Variants in SORBS2 observed in about 807,000 individuals in gnomAD.
SORBS2 encodes the protein sorbin and SH3 domain-containing protein 2.
A neutral mutation model predicts 97.7 loss-of-function variants in SORBS2; 46 were observed. The observed-to-expected ratio is 0.47, with a 90% CI of 0.37 to 0.60. The LOEUF (loss-of-function observed/expected upper bound fraction) is 0.60. SORBS2 is among the 20% of genes least tolerant of loss of function. The pLI, the probability that SORBS2 is intolerant of heterozygous loss-of-function variation, is 0.00. For missense variants in SORBS2, 1,316 were observed against 1,282.3 expected, an observed-to-expected ratio of 1.03 and a Z score of -0.40; for synonymous variants, 476 against 473.4, an observed-to-expected ratio of 1.01 and a Z score of -0.07.
chr4:185,663,854 T>C (rs1156915646), intron 4 of SORBS2, among the ~76,000 whole-genome samples: 1 of 123,876 alleles, frequency 8.1e-6, no homozygotes, highest in Non-Finnish European at 1.7e-5. Context: ...TATTCTTTTT[T>C]TTTTTTTTTT....
chr4:185,678,546 A>G (rs1444994096), exon 4 of SORBS2: 3 of 1,539,570 alleles, frequency 1.9e-6, no homozygotes, highest in African/African-American at 1.4e-5. Flanking sequence ...AAGATCTCCA[A>G]GCTTTCATTA....
chr4:185,939,624 C>T (rs564233341), intron 1 of SORBS2, among the ~76,000 whole-genome samples: 1 of 152,308 alleles, frequency 6.6e-6, no homozygotes, highest in East Asian at 1.9e-4. Context: ...GATTCTCCTG[C>T]CTCAGCCTCC....
chr4:185,879,643 A>T (rs993607220), intron 1 of SORBS2, among the ~76,000 whole-genome samples: 6 of 152,162 alleles, frequency 3.9e-5, no homozygotes, highest in African/African-American at 1.4e-4. Context: ...CCAACAGTGT[A>T]AAAGTGTTCC....
chr4:185,734,638 C>T (rs528886126), intron 2 of SORBS2, among the ~76,000 whole-genome samples: 121 of 152,318 alleles, frequency 7.9e-4, no homozygotes, highest in South Asian at 1.5e-3. Flanking sequence ...CCGTTCCCAC[C>T]TCCTCCTTGC....
intron 2 of SORBS2, among the ~76,000 whole-genome samples, chr4:185,715,631 T>C (rs1416202211): frequency 6.6e-6 from 1 of 152,164 alleles, no homozygotes; most frequent in Non-Finnish European, 1.5e-5. Context: ...TAGAAATAGA[T>C]TAAAAAGTAC....
intron 7 of SORBS2, 26 bp downstream of exon 19, chr4:185,622,888 G>C (rs1335370249): frequency 6.4e-7 from 1 of 1,557,304 alleles, no homozygotes; most frequent in African/African-American, 1.4e-5. Flanking sequence ...TGAACCACAA[G>C]GAAAAAGAAA....
In SORBS2 at chr4:185,748,179, A is replaced by G. The variant is rs144805905; in HGVS notation, c.-198+27048T>C. On this transcript the variant is annotated intron_variant, in intron 2 of 20. Transcript: ENST00000284776. ...CTTGCTTTGGAACTAGAAAATTAGC[A>G]TCTAGCTGTACCATATCTGGGCACA... 4.6e-3 allele frequency among the ~76,000 whole-genome samples: 695 copies of G among 152,224 alleles called. 5 individuals are homozygous for G. The highest frequency in any genetic ancestry group is 0.016 in the African/African-American group (660 of 41,524).
At chr4:185,844,853 G>A (rs1231701798) in intron 1 of SORBS2, among the ~76,000 whole-genome samples, 3 of 152,116 alleles carry the variant, frequency 2.0e-5, no homozygotes, top group Non-Finnish European at 2.9e-5. Flanking sequence ...AGTGAGACAC[G>A]AAAGACTATA....
At chr4:185,736,459 C>T (rs919086561) in intron 2 of SORBS2, among the ~76,000 whole-genome samples, 1 of 152,120 alleles carries the variant, frequency 6.6e-6, no homozygotes, top group Non-Finnish European at 1.5e-5. Context: ...CTGGGCAGAC[C>T]TGAGACTCCA....
At chr4:185,749,042 T>C (rs1584056425) in intron 2 of SORBS2, among the ~76,000 whole-genome samples, 1 of 152,246 alleles carries the variant, frequency 6.6e-6, no homozygotes, top group East Asian at 1.9e-4. Context: ...CTCGGCTTGC[T>C]GCTGTTTTGG....
intron 1 of SORBS2, among the ~76,000 whole-genome samples, chr4:185,828,720 C>A (rs2099203417): frequency 6.6e-6 from 1 of 152,052 alleles, no homozygotes. Flanking sequence ...ATCAAACATC[C>A]CTCCTCCCCA....
chr4:185,782,576 TA>T (rs571668742), intron 1 of SORBS2, among the ~76,000 whole-genome samples: 27 of 152,366 alleles, frequency 1.8e-4, no homozygotes, highest in African/African-American at 6.3e-4. Flanking sequence ...AATGTAGTTT[TA>T]TGAGCAGACA....
At chr4:185,778,848 G>T (rs912341260) in intron 1 of SORBS2, among the ~76,000 whole-genome samples, 4 of 145,944 alleles carry the variant, frequency 2.7e-5, no homozygotes, top group Non-Finnish European at 4.5e-5. Flanking sequence ...CTCTACAATT[G>T]TTAGAACTGG....
At chr4:185,738,924 G>A (rs1391450818) in intron 2 of SORBS2, among the ~76,000 whole-genome samples, 1 of 152,212 alleles carries the variant, frequency 6.6e-6, no homozygotes, top group Admixed American at 6.5e-5. Context: ...TGTTGGAAGT[G>A]ATACCAGTGC....
rs2097920333 is a variant in SORBS2 at position 185,684,616 on chromosome 4, A to T, written c.-197-5794T>A. ...TTACTCAACCTATTTTTGGCAAGTG[A>T]CTGCTGTTTTTAATTACACATTTAA... is the stretch of plus-strand genomic sequence containing the variant. On this transcript the variant is annotated intron_variant, in intron 2 of 20. Coordinates refer to the SORBS2 transcript ENST00000284776. This position sits in a 1 kb window ranked among gnomAD's most constrained non-coding sequence, Gnocchi z 4.2. The T allele has an allele frequency of 2.6e-5, 16 of 627,342 alleles. No individual in the cohort carries two copies. In the East Asian group the frequency reaches 4.6e-4, roughly 18 times the overall value. 38.9% of individuals were successfully genotyped at this position (627,342 alleles called of 1,614,324 possible). A position where few individuals can be genotyped will look rare whatever the true frequency, so the allele number is the denominator to read the frequency against.
chr4:185,697,257 T>C (rs2098189078), intron 2 of SORBS2, among the ~76,000 whole-genome samples: 1 of 152,238 alleles, frequency 6.6e-6, no homozygotes, highest in Non-Finnish European at 1.5e-5. Context: ...CTTAAGAAGA[T>C]AATCTAGACT....
chr4:185,888,976 A>G (rs2099241096), intron 1 of SORBS2, among the ~76,000 whole-genome samples: 1 of 152,220 alleles, frequency 6.6e-6, no homozygotes, highest in South Asian at 2.1e-4. Context: ...TCTCTTTCCC[A>G]GCACACACTC....
intron 1 of SORBS2, among the ~76,000 whole-genome samples, chr4:185,846,813 GA>G: frequency 6.6e-6 from 1 of 152,344 alleles, no homozygotes; most frequent in South Asian, 2.1e-4. Flanking sequence ...GTTTGGGAGA[GA>G]GGGGGAAGGG....
upstream of SORBS2, chr4:185,657,310 C>T (rs764191048): frequency 7.9e-5 from 76 of 964,320 alleles, no homozygotes; most frequent in Admixed American, 3.9e-5. Context: ...TCGGATGGCA[C>T]GGAGGGCAAT....
Sources: allele counts gnomAD v4.1 joint callset (sites outside exome capture counted in the v4.1 genomes callset), GRCh38; gene constraint gnomAD v4.1.1; non-coding constraint Gnocchi (gnomAD v3.1); transcripts MANE v1.5; gene names NCBI Gene and HGNC (gene_info 2026-07-23, HGNC 2026-07-21).